The following SPON1 variants were observed in gnomAD, a reference collection of about 807,000 sequenced individuals.
SPON1 encodes spondin 1, also known as spondin-1.
A neutral mutation model predicts 111.7 loss-of-function variants in SPON1; 52 were observed. The observed-to-expected ratio is 0.47, with a 90% CI of 0.37 to 0.59. The LOEUF is 0.59. Ranked by LOEUF, SPON1 falls within the 20% of genes least tolerant of loss-of-function variation. The probability of loss-of-function intolerance (pLI) is 0.00; values close to 1 mark genes in which losing one functional copy is unlikely to be tolerated. For missense variants in SPON1, 957 were observed against 1,068.5 expected, an observed-to-expected ratio of 0.90 and a Z score of 1.46; for synonymous variants, 410 against 395.8, an observed-to-expected ratio of 1.04 and a Z score of -0.43.
At chr11:13,978,070 A>G (rs1232740609) in intron 1 of SPON1, among the ~76,000 whole-genome samples, 2 of 152,106 alleles carry the variant, frequency 1.3e-5, no homozygotes, top group African/African-American at 4.8e-5. Flanking sequence ...GCTTCTGTAT[A>G]TTTGTGGAAC....
At chr11:14,190,915 A>T (rs1205628615) in intron 6 of SPON1, among the ~76,000 whole-genome samples, 2 of 152,114 alleles carry the variant, frequency 1.3e-5, no homozygotes, top group African/African-American at 4.8e-5. Context: ...CTGGGATTAC[A>T]GGCATGAGCC....
chr11:14,131,522 A>C (rs1847530070), intron 5 of SPON1, among the ~76,000 whole-genome samples: 1 of 152,202 alleles, frequency 6.6e-6, no homozygotes, highest in Non-Finnish European at 1.5e-5. Flanking sequence ...TTCCAACTGG[A>C]AAGTTCCCTT....
intron 2 of SPON1, among the ~76,000 whole-genome samples, chr11:13,984,733 C>G (rs1260458890): frequency 6.6e-6 from 1 of 152,212 alleles, no homozygotes; most frequent in Non-Finnish European, 1.5e-5. Context: ...AGTTGATAGT[C>G]TTCTCTGACT....
chr11:14,027,961 C>G (rs527421578), intron 2 of SPON1, among the ~76,000 whole-genome samples: 2 of 152,046 alleles, frequency 1.3e-5, no homozygotes, highest in Non-Finnish European at 2.9e-5. Flanking sequence ...TTTTTAAAAC[C>G]TGTTTATCAG....
At chr11:14,232,627 C>T (rs1177348849) in intron 6 of SPON1, among the ~76,000 whole-genome samples, 5 of 152,178 alleles carry the variant, frequency 3.3e-5, no homozygotes, top group African/African-American at 9.7e-5. Flanking sequence ...CAAGTGCACC[C>T]TCCCTCTCTC....
intron 3 of SPON1, among the ~76,000 whole-genome samples, chr11:14,055,130 T>A (rs932338763): frequency 6.6e-6 from 1 of 152,228 alleles, no homozygotes; most frequent in South Asian, 2.1e-4. Context: ...CCAATCACAA[T>A]GTCCCAAAGA....
chr11:14,265,014 C>T (rs1554942313), intron 15 of SPON1, among the ~76,000 whole-genome samples: 1 of 152,142 alleles, frequency 6.6e-6, no homozygotes, highest in African/African-American at 2.4e-5. Flanking sequence ...TTCTGTGGAT[C>T]AGTGATGTGA....
At chr11:14,050,087 T>C (rs1848697378) in intron 3 of SPON1, among the ~76,000 whole-genome samples, 1 of 152,218 alleles carries the variant, frequency 6.6e-6, no homozygotes, top group South Asian at 2.1e-4. Flanking sequence ...GCAACTCATT[T>C]CTTGCTAGTG....
At chr11:14,258,518 A>T (rs1849135349) in intron 11 of SPON1, among the ~76,000 whole-genome samples, 1 of 152,240 alleles carries the variant, frequency 6.6e-6, no homozygotes, top group Non-Finnish European at 1.5e-5. Flanking sequence ...TCTCTGCCTG[A>T]TAGATCTACG....
At chr11:14,147,793 A>ATT (rs34000117) in intron 6 of SPON1, among the ~76,000 whole-genome samples, 21 of 149,454 alleles carry the variant, frequency 1.4e-4, no homozygotes, top group East Asian at 9.9e-4. Context: ...CAAAGGGCTA[A>ATT]TTTTTTTTTG....
intron 2 of SPON1, among the ~76,000 whole-genome samples, chr11:14,005,736 A>T (rs1848354149): frequency 7.0e-6 from 1 of 142,464 alleles, no homozygotes; most frequent in South Asian, 2.2e-4. Flanking sequence ...GTATTATTAT[A>T]ACATTCATAA....
At chr11:13,983,101 C>A in intron 2 of SPON1, 148 bp downstream of exon 2, 1 of 620,190 alleles carries the variant, frequency 1.6e-6, no homozygotes, top group Non-Finnish European at 2.9e-6. Context: ...CATCATGGAG[C>A]AAGCAGCAAA....
intron 6 of SPON1, among the ~76,000 whole-genome samples, chr11:14,205,194 C>T (rs1564930787): frequency 6.6e-6 from 1 of 152,196 alleles, no homozygotes; most frequent in East Asian, 1.9e-4. Context: ...CGGAGTACTA[C>T]CATTCCTGCT....
chr11:13,992,297 T>G (rs1848237094), intron 2 of SPON1, among the ~76,000 whole-genome samples: 1 of 152,206 alleles, frequency 6.6e-6, no homozygotes, highest in Non-Finnish European at 1.5e-5. Context: ...ACAGCAGCCT[T>G]GCTCAGCTGC....
At chr11:14,052,514 C>T (rs1279456375) in intron 3 of SPON1, among the ~76,000 whole-genome samples, 14 of 152,206 alleles carry the variant, frequency 9.2e-5, no homozygotes, top group Non-Finnish European at 1.9e-4. Flanking sequence ...CTCAGGAACC[C>T]TGACCAGGGA....
chr11:13,963,490 C>G (rs1554907738), intron 1 of SPON1, among the ~76,000 whole-genome samples: 1 of 152,206 alleles, frequency 6.6e-6, no homozygotes, highest in Non-Finnish European at 1.5e-5. Context: ...GTAAAACTGC[C>G]TTTCTCCAAA....
At chr11:14,234,333 T>C (rs1045263290) in intron 6 of SPON1, among the ~76,000 whole-genome samples, 12 of 152,202 alleles carry the variant, frequency 7.9e-5, no homozygotes, top group African/African-American at 2.9e-4. Flanking sequence ...ACTAAGGTTT[T>C]TCTGACTGCT....
intron 6 of SPON1, among the ~76,000 whole-genome samples, chr11:14,225,693 G>A (rs192922455): frequency 7.9e-5 from 12 of 152,232 alleles, no homozygotes; most frequent in African/African-American, 7.2e-5. Context: ...AGAGAAGATC[G>A]GATTATTGAT....
intron 5 of SPON1, among the ~76,000 whole-genome samples, chr11:14,131,615 C>T (rs1193284418): frequency 6.6e-6 from 1 of 152,202 alleles, no homozygotes; most frequent in Non-Finnish European, 1.5e-5. Flanking sequence ...TTACAGCTTT[C>T]ACAATTCTTT....
Sources: allele counts gnomAD v4.1 joint callset (sites outside exome capture counted in the v4.1 genomes callset), GRCh38; gene constraint gnomAD v4.1.1; transcripts MANE v1.5; gene names NCBI Gene and HGNC (gene_info 2026-07-23, HGNC 2026-07-21).